Variants in CHMP4C observed in about 807,000 individuals in gnomAD.
CHMP4C encodes the protein charged multivesicular body protein 4C.
In CHMP4C, 28 loss-of-function variants were observed where a neutral mutation model predicts 29.0. The observed-to-expected ratio is 0.97, with a 90% confidence interval of 0.72 to 1.32. CHMP4C has a LOEUF of 1.32. CHMP4C is among the 40% of genes most tolerant of loss of function. CHMP4C has a pLI of 0.00. For synonymous variants in CHMP4C, 106 were observed against 102.4 expected, an observed-to-expected ratio of 1.04 and a Z score of -0.21; for missense variants, 291 against 281.0, an observed-to-expected ratio of 1.04 and a Z score of -0.25.
At chr8:81,732,877 C>A in intron 1 of CHMP4C, 61 bp downstream of exon 1, 2 of 1,502,534 alleles carry the variant, frequency 1.3e-6, no homozygotes, top group Non-Finnish European at 1.8e-6. Flanking sequence ...CCCTTGGGGA[C>A]AATCGGCCCA....
At chr8:81,758,003 G>A (rs1585949200) in intron 3 of CHMP4C, 139 bp from the exon 4 acceptor site, 2 of 778,566 alleles carry the variant, frequency 2.6e-6, no homozygotes, top group Non-Finnish European at 4.2e-6. Flanking sequence ...TTGCAAAAAA[G>A]ACTTAGTTTT....
At chr8:81,742,462 T>C (rs567477571) in intron 1 of CHMP4C, among the ~76,000 whole-genome samples, 15 of 152,382 alleles carry the variant, frequency 9.8e-5, no homozygotes, top group African/African-American at 3.6e-4. Context: ...TACATGTGTA[T>C]GTTTAACCTA....
chr8:81,736,090 A>G (rs537836560), intron 1 of CHMP4C, among the ~76,000 whole-genome samples: 28 of 220 alleles, frequency 0.13, no homozygotes, highest in Admixed American at 0.27. Flanking sequence ...TGTCTCAATA[A>G]ATAAATAAAT....
At chr8:81,751,363 T>C (rs78269227) in intron 1 of CHMP4C, among the ~76,000 whole-genome samples, 14,661 of 150,742 alleles carry the variant, frequency 0.097, 910 homozygotes, top group East Asian at 0.24. Flanking sequence ...TTCCTTAAAA[T>C]TGGAAAGTAT....
chr8:81,735,483 T>A (rs998979681), intron 1 of CHMP4C, among the ~76,000 whole-genome samples: 3 of 152,170 alleles, frequency 2.0e-5, no homozygotes, highest in Non-Finnish European at 4.4e-5. Context: ...AATAGTAAAA[T>A]AAAACCTGAT....
intron 1 of CHMP4C, among the ~76,000 whole-genome samples, chr8:81,745,758 G>A (rs1290835564): frequency 2.0e-5 from 3 of 152,162 alleles, no homozygotes; most frequent in African/African-American, 7.2e-5. Flanking sequence ...GTTATGCAAG[G>A]AGACAAAACC....
intron 1 of CHMP4C, among the ~76,000 whole-genome samples, chr8:81,743,323 C>T (rs1306147662): frequency 6.6e-6 from 1 of 151,270 alleles, no homozygotes; most frequent in Non-Finnish European, 1.5e-5. Context: ...GCATAATCAG[C>T]TATTTCTGAG....
At chr8:81,737,654 C>T (rs1019140220) in intron 1 of CHMP4C, among the ~76,000 whole-genome samples, 3 of 152,186 alleles carry the variant, frequency 2.0e-5, no homozygotes, top group Non-Finnish European at 2.9e-5. Context: ...CCATCCCTGC[C>T]TGGCCACTTA....
intron 1 of CHMP4C, 29 bp from the exon 2 acceptor site, chr8:81,753,035 C>T (rs368498848): frequency 2.1e-5 from 33 of 1,563,570 alleles, no homozygotes; most frequent in Non-Finnish European, 2.6e-5. Context: ...TTTCTCTTTC[C>T]TAATAAATGT....
chr8:81,746,213 C>T (rs949643665), intron 1 of CHMP4C, among the ~76,000 whole-genome samples: 1 of 152,196 alleles, frequency 6.6e-6, no homozygotes, highest in African/African-American at 2.4e-5. Context: ...GGACCTGATC[C>T]AGCCATGCAG....
At chr8:81,756,482 A>C (rs539095317) in intron 3 of CHMP4C, among the ~76,000 whole-genome samples, 1 of 152,218 alleles carries the variant, frequency 6.6e-6, no homozygotes, top group South Asian at 2.1e-4. Flanking sequence ...ATCTGGGCTT[A>C]TGTGGACATC....
chr8:81,733,817 T>C (rs1361927843), intron 1 of CHMP4C, among the ~76,000 whole-genome samples: 1 of 152,202 alleles, frequency 6.6e-6, no homozygotes, highest in African/African-American at 2.4e-5. Flanking sequence ...GGACTCTGCT[T>C]ACCACCAAAC....
chr8:81,744,786 G>A (rs901976166), intron 1 of CHMP4C, among the ~76,000 whole-genome samples: 2 of 152,146 alleles, frequency 1.3e-5, no homozygotes, highest in Non-Finnish European at 2.9e-5. Flanking sequence ...GTCTCTCTCT[G>A]AGACTGGAGC....
At chr8:81,753,546 G>C (rs1011858903) in intron 2 of CHMP4C, among the ~76,000 whole-genome samples, 1 of 152,130 alleles carries the variant, frequency 6.6e-6, no homozygotes, top group Admixed American at 6.6e-5. Flanking sequence ...ACCTGTGTGA[G>C]GGTGTTGGAT....
intron 3 of CHMP4C, 21 bp downstream of exon 3, chr8:81,755,505 A>T (rs760326588): frequency 7.0e-7 from 1 of 1,421,492 alleles, no homozygotes; most frequent in African/African-American, 1.4e-5. Flanking sequence ...CAATATGAAG[A>T]ATGCAGGATT....
At chr8:81,736,937 A>G (rs375285269) in intron 1 of CHMP4C, among the ~76,000 whole-genome samples, 4 of 152,366 alleles carry the variant, frequency 2.6e-5, no homozygotes, top group Non-Finnish European at 2.9e-5. Context: ...GGCAGTTACC[A>G]TCATCATCCA....
intron 1 of CHMP4C, among the ~76,000 whole-genome samples, chr8:81,742,294 C>CA (rs1240263144): frequency 3.3e-5 from 5 of 151,972 alleles, no homozygotes; most frequent in Non-Finnish European, 7.4e-5. Flanking sequence ...AAACAAGCCC[C>CA]AAAAAAGCAA....
chr8:81,755,459 T>G lies in CHMP4C; in HGVS notation c.458T>G (p.Val153Gly), dbSNP rs953790425. Residue 153 changes from valine to glycine, a missense_variant, in exon 3 of 5, where the codon GTT (valine) becomes GGT (glycine). Coordinates refer to ENST00000297265, the MANE Select transcript of CHMP4C (RefSeq NM_152284.4). ...ATCTCAGAAGCATTTTCTCAACGGGTTGGCTTTGGTGATGACTTTGATGAG... is the reference window on the plus strand; with the variant it reads ...ATCTCAGAAGCATTTTCTCAACGGGGTGGCTTTGGTGATGACTTTGATGAG... ...QEISEAFSQR[V>G]GFGDDFDEDE... 1.9e-6 allele frequency: 3 copies of G among 1,611,034 alleles called. No individual in the cohort carries two copies. The African/African-American group carries it at 4.0e-5, about 22-fold the overall frequency.
chr8:81,749,488 G>A (rs1036433931), intron 1 of CHMP4C, among the ~76,000 whole-genome samples: 8 of 152,104 alleles, frequency 5.3e-5, no homozygotes, highest in Admixed American at 1.3e-4. Context: ...TTCTCCAAGG[G>A]CTTATAATTA....
Sources: gnomAD v4.1 joint callset for allele counts (sites outside exome capture counted in the v4.1 genomes callset) on GRCh38, gnomAD v4.1.1 for gene constraint, MANE v1.5 for transcripts, NCBI Gene and HGNC (gene_info 2026-07-23, HGNC 2026-07-21) for gene names.